CREM: variants seen among roughly 807,000 people sequenced by gnomAD.
CREM encodes cAMP-responsive element modulator.
In CREM, 13 loss-of-function variants were observed where a neutral mutation model predicts 37.3. That is an observed-to-expected ratio of 0.35 (90% CI 0.23 to 0.55). The LOEUF (loss-of-function observed/expected upper bound fraction) is 0.55. CREM is among the 20% of genes least tolerant of loss of function. The pLI is 0.88. For missense variants in CREM, 296 were observed against 362.3 expected, an observed-to-expected ratio of 0.82 and a Z score of 1.49; for synonymous variants, 124 against 120.2, an observed-to-expected ratio of 1.03 and a Z score of -0.21.
At chr10:35,201,592 TGA>T in intron 6 of CREM, 4 of 1,410,642 alleles carry the variant, frequency 2.8e-6, no homozygotes, top group Non-Finnish European at 2.9e-6. Flanking sequence ...TGACCAAAAT[TGA>T]GAGTTCTAGG....
chr10:35,173,162 CATCCAAAG>C (rs1235947916), intron 3 of CREM, among the ~76,000 whole-genome samples: 1 of 152,190 alleles, frequency 6.6e-6, no homozygotes, highest in African/African-American at 2.4e-5. Flanking sequence ...GTAAGAGATT[CATCCAAAG>C]TACAAGACAG....
intron 3 of CREM, among the ~76,000 whole-genome samples, chr10:35,160,074 A>T (rs1412358441): frequency 6.6e-6 from 1 of 152,092 alleles, no homozygotes; most frequent in Non-Finnish European, 1.5e-5. Flanking sequence ...TCTTTGTGCA[A>T]ACATCTAGAG....
At chr10:35,144,428 G>A (rs1387538786) in intron 2 of CREM, among the ~76,000 whole-genome samples, 2 of 152,170 alleles carry the variant, frequency 1.3e-5, no homozygotes, top group African/African-American at 4.8e-5. Context: ...AGGTGTCCAT[G>A]AAAACCCCAG....
chr10:35,152,240 C>T (rs1451775495), intron 3 of CREM: 2 of 152,206 alleles, frequency 1.3e-5, no homozygotes, highest in African/African-American at 2.4e-5. Context: ...CATCTAAGGT[C>T]ATTTGATACT....
chr10:35,132,804 C>G (rs17583945), intron 1 of CREM, among the ~76,000 whole-genome samples: 20,645 of 152,140 alleles, frequency 0.14, 1,594 homozygotes, highest in South Asian at 0.2. Flanking sequence ...GGAATTATTT[C>G]TCTTATAACT....
rs1342099879 is a variant in CREM at position 35,212,838 on chromosome 10, A to G, written c.*1440A>G. The G allele has an allele frequency of 6.5e-6, 1 of 152,742 alleles. No homozygotes were observed. The highest frequency in any genetic ancestry group is 1.5e-5 in the Non-Finnish European group (1 of 68,034). The allele number at this position is 152,742 out of a possible 1,614,324, so 9.5% of individuals were successfully genotyped here. A position where few individuals can be genotyped will look rare whatever the true frequency, so the allele number is the denominator to read the frequency against. ...TGCTTCAAAGTCCACATTAGATCAG[A>G]TACTCCGCTGTCGGCACATTCAGCT... On this transcript the variant is annotated 3_prime_UTR_variant, in exon 8 of 8. Transcript: ENST00000685392.
intron 6 of CREM, among the ~76,000 whole-genome samples, chr10:35,188,773 T>C (rs2094770088): frequency 6.6e-6 from 1 of 151,730 alleles, no homozygotes; most frequent in South Asian, 2.1e-4. Flanking sequence ...TTCTTCTGCC[T>C]CAGCTTCCCG....
intron 2 of CREM, 29 bp from the exon 3 acceptor site, chr10:35,148,339 A>G: frequency 6.3e-7 from 1 of 1,598,424 alleles, no homozygotes; most frequent in Non-Finnish European, 8.5e-7. Flanking sequence ...TAGGGCCTTA[A>G]TTTGTCTTCC....
intron 1 of CREM, among the ~76,000 whole-genome samples, chr10:35,132,296 A>G (rs1315177366): frequency 6.6e-6 from 1 of 151,772 alleles, no homozygotes; most frequent in Non-Finnish European, 1.5e-5. Flanking sequence ...GGCCATGATT[A>G]TTTGAATTTC....
intron 3 of CREM, chr10:35,175,919 G>A: frequency 1.3e-6 from 2 of 1,552,458 alleles, no homozygotes; most frequent in South Asian, 2.4e-5. Context: ...GTTACCTTCG[G>A]GCCAAACTAT....
intron 6 of CREM, among the ~76,000 whole-genome samples, chr10:35,202,101 T>A (rs571109046): frequency 6.6e-6 from 1 of 152,332 alleles, no homozygotes; most frequent in South Asian, 2.1e-4. Flanking sequence ...TAATCTTTCT[T>A]CAATCATGAT....
At chr10:35,145,775 T>TTA (rs2092020131) in intron 2 of CREM, among the ~76,000 whole-genome samples, 1 of 12,220 alleles carries the variant, frequency 8.2e-5, no homozygotes, top group Non-Finnish European at 2.4e-4. Context: ...AGACTCTGCC[T>TTA]CAAAAAAAAA....
chr10:35,205,679 C>A (rs1341595226), intron 6 of CREM, among the ~76,000 whole-genome samples: 6 of 152,206 alleles, frequency 3.9e-5, no homozygotes, highest in Admixed American at 3.9e-4. Flanking sequence ...AATTTTCAGG[C>A]CGGGCGTGGT....
intron 3 of CREM, chr10:35,167,628 G>T: frequency 8.7e-7 from 1 of 1,153,838 alleles, no homozygotes; most frequent in South Asian, 1.3e-5. Context: ...GTCACTATTA[G>T]GGTTTTTTTT....
chr10:35,138,619 C>T (rs1589288429), intron 2 of CREM, among the ~76,000 whole-genome samples: 1 of 151,280 alleles, frequency 6.6e-6, no homozygotes, highest in African/African-American at 2.4e-5. Context: ...CTCTGCCTCC[C>T]AGGTTCAAGG....
chr10:35,138,371 T>C (rs1455283880), intron 2 of CREM, among the ~76,000 whole-genome samples: 3 of 152,244 alleles, frequency 2.0e-5, no homozygotes, highest in African/African-American at 4.8e-5. Context: ...TTTCCACTTT[T>C]TGTAAAGTTA....
chr10:35,169,717 T>C (rs980480744), intron 3 of CREM, among the ~76,000 whole-genome samples: 44 of 152,300 alleles, frequency 2.9e-4, no homozygotes, highest in African/African-American at 1.0e-3. Flanking sequence ...CAGTATGATA[T>C]TGGCTGTGGG....
intron 1 of CREM, among the ~76,000 whole-genome samples, chr10:35,135,721 G>GA (rs9336981): frequency 6.7e-4 from 34 of 50,530 alleles, no homozygotes; most frequent in Admixed American, 1.4e-3. Context: ...CCTATTTCTG[G>GA]AAAAAAAAAA....
chr10:35,143,193 A>AGAGATCCAACTTT (rs2091666988), intron 2 of CREM, among the ~76,000 whole-genome samples: 1 of 149,974 alleles, frequency 6.7e-6, no homozygotes, highest in African/African-American at 2.5e-5. Context: ...CTGGTCTTTA[A>AGAGATCCAACTTT]CTCTTGACCT....
Sources: allele counts gnomAD v4.1 joint callset (sites outside exome capture counted in the v4.1 genomes callset), GRCh38; gene constraint gnomAD v4.1.1; transcripts MANE v1.5; gene names NCBI Gene and HGNC (gene_info 2026-07-23, HGNC 2026-07-21).